Variants in NSD2 observed in about 807,000 individuals in gnomAD.
The protein encoded by NSD2 is histone-lysine N-methyltransferase NSD2.
A neutral mutation model predicts 139.0 loss-of-function variants in NSD2; 12 were observed. The observed-to-expected ratio is 0.09, with a 90% CI of 0.06 to 0.14. The LOEUF (loss-of-function observed/expected upper bound fraction) is 0.14. Among genes scored for constraint, NSD2 ranks in the 10% least tolerant of loss-of-function variants. The pLI is 1.00. For missense variants in NSD2, 1,155 were observed against 1,745.0 expected (o/e 0.66, Z 6.02); for synonymous variants, 669 against 648.7 (o/e 1.03, Z -0.48).
chr4:1,968,007 G>A (rs753339268), intron 18 of NSD2, among the ~76,000 whole-genome samples: 1 of 152,174 alleles, frequency 6.6e-6, no homozygotes, highest in Non-Finnish European at 1.5e-5. Flanking sequence ...GAGAGAAATT[G>A]GGCCAGGTTC....
At chr4:1,959,859 A>T (rs988772692) in intron 17 of NSD2, 119 bp downstream of exon 17, 104 of 1,389,158 alleles carry the variant, frequency 7.5e-5, no homozygotes, top group Middle Eastern at 2.6e-4. Context: ...TGGAAAAAAA[A>T]TTTTTTTTGT....
chr4:1,964,631 C>G (rs528683284), intron 18 of NSD2, among the ~76,000 whole-genome samples: 8 of 151,730 alleles, frequency 5.3e-5, no homozygotes, highest in Non-Finnish European at 7.4e-5. Flanking sequence ...AGGTGCGCTG[C>G]GCTGCCGTTG....
intron 6 of NSD2, 44 bp downstream of exon 6, chr4:1,930,814 G>A (rs750966891): frequency 5.7e-6 from 9 of 1,574,958 alleles, no homozygotes; most frequent in Non-Finnish European, 6.9e-6. Flanking sequence ...GGGTTGATGT[G>A]TGTAGTGTAG....
chr4:1,937,544 A>T (rs1341015216), intron 7 of NSD2, among the ~76,000 whole-genome samples: 3 of 149,764 alleles, frequency 2.0e-5, no homozygotes, highest in Non-Finnish European at 4.4e-5. Context: ...AAAAAGAAGT[A>T]ATGGTGTCTT....
chr4:1,910,909 C>G (rs1214456411), intron 3 of NSD2, among the ~76,000 whole-genome samples: 2 of 152,170 alleles, frequency 1.3e-5, no homozygotes, highest in East Asian at 1.9e-4. Flanking sequence ...CCAGGGAGCT[C>G]TGTGGTCTCA....
At position 1,945,594 on chromosome 4, in the gene NSD2, C is replaced by T. The variant is rs966672799; in HGVS notation, c.1882-5478C>T. The T allele has an allele frequency of 1.3e-5, 14 of 1,065,290 alleles. No individual in the cohort carries two copies. In the African/African-American group the frequency reaches 1.6e-4, roughly 12 times the overall value. The allele number at this position is 1,065,290 out of a possible 1,614,324, so 66.0% of individuals were successfully genotyped here. A position where few individuals can be genotyped will look rare whatever the true frequency, so the allele number is the denominator to read the frequency against. The stretch of plus-strand genomic sequence containing the variant: ...AGAAGCCTGATGTGAGTGTGTGGCA[C>T]CTGTGATGGCAGGGCTGTGAGCTGG... On this transcript the variant is annotated intron_variant, in intron 9 of 21. Coordinates refer to ENST00000508803, the MANE Select transcript of NSD2 (RefSeq NM_001042424.3).
intron 7 of NSD2, among the ~76,000 whole-genome samples, chr4:1,937,507 C>T (rs371592249): frequency 3.3e-5 from 5 of 152,122 alleles, no homozygotes; most frequent in East Asian, 3.8e-4. Flanking sequence ...GTTTTATTAG[C>T]TCCTATCTCA....
intron 1 of NSD2, among the ~76,000 whole-genome samples, chr4:1,895,641 A>T (rs945909923): frequency 1.1e-4 from 16 of 151,652 alleles, no homozygotes; most frequent in Non-Finnish European, 1.5e-5. Flanking sequence ...CTCCTGGAGG[A>T]TCTCTCACTG....
At chr4:1,937,963 G>A (rs548388873) in intron 7 of NSD2, among the ~76,000 whole-genome samples, 1 of 152,218 alleles carries the variant, frequency 6.6e-6, no homozygotes, top group Non-Finnish European at 1.5e-5. Context: ...GAAATCCTCA[G>A]TATAGTGATA....
intron 9 of NSD2, chr4:1,944,130 AG>A: frequency 9.4e-7 from 1 of 1,066,078 alleles, no homozygotes; most frequent in South Asian, 4.5e-5. Flanking sequence ...GAAGGTGGGC[AG>A]GGGCAAGTGA....
chr4:1,876,548 T>A (rs1714275028), intron 1 of NSD2, among the ~76,000 whole-genome samples: 1 of 152,062 alleles, frequency 6.6e-6, no homozygotes, highest in Non-Finnish European at 1.5e-5. Flanking sequence ...GAAAATTAGC[T>A]GGGCTTGGTG....
At chr4:1,929,900 C>T (rs1224652150) in intron 5 of NSD2, among the ~76,000 whole-genome samples, 1 of 152,032 alleles carries the variant, frequency 6.6e-6, no homozygotes, top group African/African-American at 2.4e-5. Context: ...ATTTCAAACC[C>T]CCAGGTTATT....
chr4:1,878,496 T>C (rs993813071), intron 1 of NSD2, among the ~76,000 whole-genome samples: 2 of 151,908 alleles, frequency 1.3e-5, no homozygotes, highest in African/African-American at 4.8e-5. Context: ...CAACATTCCA[T>C]GTGAATTCCT....
In NSD2 at chr4:1,938,441, T is replaced by TAAAAA; in HGVS notation, c.1675-7_1675-6insAAAAA. The TAAAAA allele has an allele frequency of 9.2e-7, 1 of 1,091,090 alleles. No individual in the cohort carries two copies. Among genetic ancestry groups the TAAAAA allele is most frequent in the Non-Finnish European group, 1.3e-6 (1 of 780,464 alleles). The allele number at this position is 1,091,090 out of a possible 1,614,324, so 67.6% of individuals were successfully genotyped here. On this transcript the variant is annotated splice_polypyrimidine_tract_variant and intron_variant, in intron 7 of 21. Coordinates refer to ENST00000508803, the MANE Select transcript of NSD2 (RefSeq NM_001042424.3). ...CTTTTTTTTTTTTTTTTTTTTTTTT[T>TAAAAA]AAATAATAGAGAGACACAATCACTG...
intron 4 of NSD2, 93 bp downstream of exon 4, chr4:1,917,130 G>A (rs1297729878): frequency 1.3e-5 from 16 of 1,200,388 alleles, no homozygotes; most frequent in South Asian, 1.8e-5. Context: ...ATACTTGCTC[G>A]AAATATTGTA....
intron 5 of NSD2, among the ~76,000 whole-genome samples, chr4:1,925,280 C>T (rs1298144793): frequency 6.6e-6 from 1 of 151,864 alleles, no homozygotes; most frequent in Non-Finnish European, 1.5e-5. Flanking sequence ...GGTGGAACTT[C>T]CTTGCTGCTT....
chr4:1,930,043 G>A (rs529017211), intron 5 of NSD2, among the ~76,000 whole-genome samples: 4 of 152,156 alleles, frequency 2.6e-5, no homozygotes, highest in Admixed American at 6.5e-5. Flanking sequence ...AGCATGCTCC[G>A]GGTGCTGATG....
At position 1,972,588 on chromosome 4, in the gene NSD2, G is replaced by A. The variant is rs1184214561; in HGVS notation, c.3373-2275G>A. Among the ~76,000 whole-genome samples, 1 of 152,184 alleles carries A rather than the reference G, an allele frequency of 6.6e-6. No individual in the cohort carries two copies. Among genetic ancestry groups the A allele is most frequent in the Non-Finnish European group, 1.5e-5 (1 of 68,038 alleles). ...GGGGAGTGGGGCCAAAGCCAGGGCC[G>A]GGCAGCCCACGTACCACGCACTGAT... On this transcript the variant is annotated intron_variant, in intron 18 of 21. Transcript: ENST00000508803. The surrounding 1 kb of genome is among the most constrained non-coding windows in gnomAD (Gnocchi z 4.0).
rs900113898 is a variant in NSD2, at chr4:1,956,832, G to A, written c.2881+644G>A. On this transcript the variant is annotated intron_variant, in intron 15 of 21. Transcript: ENST00000508803. The surrounding 1 kb of genome is among the most constrained non-coding windows in gnomAD (Gnocchi z 5.3). The stretch of plus-strand genomic sequence containing the variant: ...CACGCTGTGTTGCAGCCGGGTCAGT[G>A]CTGGCTCCTGTGTGACTGCAGGCGG... Among the ~76,000 whole-genome samples the A allele has an allele frequency of 1.3e-5, 2 of 152,264 alleles. No individual in the cohort carries two copies. The highest frequency in any genetic ancestry group is 1.5e-5 in the Non-Finnish European group (1 of 68,046).
Sources: gnomAD v4.1 joint callset for allele counts (sites outside exome capture counted in the v4.1 genomes callset) on GRCh38, gnomAD v4.1.1 for gene constraint, Gnocchi (gnomAD v3.1) non-coding constraint, MANE v1.5 for transcripts, NCBI Gene and HGNC (gene_info 2026-07-23, HGNC 2026-07-21) for gene names.